TASP1: variants seen among roughly 807,000 people sequenced by gnomAD.
TASP1 encodes the protein threonine aspartase 1.
A neutral mutation model predicts 56.6 loss-of-function variants in TASP1; 16 were observed. The ratio of observed to expected loss-of-function variants is 0.28; its 90% CI spans 0.19 to 0.43. TASP1 has a LOEUF of 0.43. Ranked by LOEUF, TASP1 falls within the 20% of genes least tolerant of loss-of-function variation. The pLI, the probability that TASP1 is intolerant of heterozygous loss-of-function variation, is 1.00. For synonymous variants in TASP1, 179 were observed against 184.2 expected, an observed-to-expected ratio of 0.97 and a Z score of 0.23; for missense variants, 393 against 511.6, an observed-to-expected ratio of 0.77 and a Z score of 2.24.
chr20:13,538,301 G>A (rs2045491751), intron 8 of TASP1, among the ~76,000 whole-genome samples: 1 of 152,130 alleles, frequency 6.6e-6, no homozygotes, highest in Admixed American at 6.5e-5. Context: ...ACCAGGCCCA[G>A]CCCCATCTAC....
At chr20:13,279,829 C>T in the TASP1 span, 1 of 1,613,848 alleles carries the variant, frequency 6.2e-7, no homozygotes, top group Non-Finnish European at 8.5e-7. Context: ...CTTCCTCAAC[C>T]CCCCCAGGGG....
At chr20:13,354,555 A>T in the TASP1 span, among the ~76,000 whole-genome samples, 80 of 152,356 alleles carry the variant, frequency 5.3e-4, 2 homozygotes, top group East Asian at 0.015. Context: ...AGGGGAAGAA[A>T]AAAGACATTT....
At chr20:13,343,958 G>A in the TASP1 span, among the ~76,000 whole-genome samples, 1 of 151,968 alleles carries the variant, frequency 6.6e-6, no homozygotes, top group Non-Finnish European at 1.5e-5. Context: ...CCAGCCCACC[G>A]GGCTTCTGCG....
At chr20:13,472,415 T>C (rs972719979) in intron 11 of TASP1, among the ~76,000 whole-genome samples, 6 of 150,986 alleles carry the variant, frequency 4.0e-5, no homozygotes, top group African/African-American at 7.4e-5. Flanking sequence ...ATTCAGGACA[T>C]AGGCGTGGGC....
At chr20:13,179,655 G>C in the TASP1 span, among the ~76,000 whole-genome samples, 2 of 152,132 alleles carry the variant, frequency 1.3e-5, no homozygotes, top group Non-Finnish European at 2.9e-5. Flanking sequence ...GAGGCCTCTT[G>C]AGAGTCCTCC....
intron 11 of TASP1, among the ~76,000 whole-genome samples, chr20:13,465,101 G>A (rs1001916831): frequency 6.7e-6 from 1 of 148,758 alleles, no homozygotes; most frequent in Admixed American, 6.8e-5. Context: ...AGCCCAGGAG[G>A]TCAAAGCTGT....
chr20:13,481,003 T>G (rs1431999581), intron 11 of TASP1, among the ~76,000 whole-genome samples: 2 of 152,132 alleles, frequency 1.3e-5, no homozygotes, highest in Non-Finnish European at 2.9e-5. Context: ...ATTAAATTAT[T>G]ATTGGCCATA....
the TASP1 span, among the ~76,000 whole-genome samples, chr20:13,383,116 G>A: frequency 6.6e-6 from 1 of 152,160 alleles, no homozygotes. Context: ...TGGGGTCGGA[G>A]AACAAGAAGG....
chr20:13,270,673 T>G, the TASP1 span: 2 of 1,613,798 alleles, frequency 1.2e-6, no homozygotes, highest in Non-Finnish European at 8.5e-7. Context: ...CCCAGATCCT[T>G]TCTCCTTGAT....
intron 8 of TASP1, among the ~76,000 whole-genome samples, chr20:13,548,847 T>C (rs2045890610): frequency 1.3e-5 from 2 of 152,140 alleles, no homozygotes; most frequent in South Asian, 2.1e-4. Flanking sequence ...ACCGGCCCAA[T>C]AGCTTACCCA....
At chr20:13,443,911 G>A (rs142647492) in intron 11 of TASP1, among the ~76,000 whole-genome samples, 1,658 of 152,274 alleles carry the variant, frequency 0.011, 14 homozygotes, top group Non-Finnish European at 0.018. Flanking sequence ...GGCCAGTGGA[G>A]TAGAGTTAGG....
intron 8 of TASP1, among the ~76,000 whole-genome samples, chr20:13,557,572 GTTTTTTTTT>G (rs972801507): frequency 1.2e-4 from 12 of 99,760 alleles, no homozygotes; most frequent in African/African-American, 4.5e-4. Context: ...GATGTTTTTG[GTTTTTTTTT>G]TTTTTTTTTT....
At chr20:13,388,497 G>C (rs2041180652), downstream of TASP1, among the ~76,000 whole-genome samples, 1 of 152,122 alleles carries the variant, frequency 6.6e-6, no homozygotes, top group Non-Finnish European at 1.5e-5. Context: ...CTTAATAAAA[G>C]GGGTCCTTAA....
chr20:13,309,051 T>C, the TASP1 span, among the ~76,000 whole-genome samples: 36 of 152,334 alleles, frequency 2.4e-4, no homozygotes, highest in African/African-American at 7.5e-4. Flanking sequence ...TCTATGGTAG[T>C]TTGTTGTATC....
the TASP1 span, among the ~76,000 whole-genome samples, chr20:13,228,960 TC>T: frequency 1.3e-5 from 2 of 152,180 alleles, no homozygotes; most frequent in African/African-American, 4.8e-5. Context: ...GATGCAAATG[TC>T]AAACTCAACC....
At chr20:13,221,926 G>A in the TASP1 span, 2 of 1,324,848 alleles carry the variant, frequency 1.5e-6, no homozygotes, top group Non-Finnish European at 1.9e-6. Context: ...TGAGTGCGCC[G>A]CCGGAGAGGG....
Position 13,549,477 on chromosome 20 carries a change from T to C in TASP1, c.675+9531A>G, listed in dbSNP as rs945730283. Among the ~76,000 whole-genome samples the C allele has an allele frequency of 2.4e-4, 36 of 152,156 alleles. No individual in the cohort carries two copies. The East Asian group carries it at 3.3e-3, about 14-fold the overall frequency. On this transcript the variant is annotated intron_variant, in intron 8 of 13. Coordinates refer to ENST00000337743, the MANE Select transcript of TASP1 (RefSeq NM_017714.3). ...GTACACACACATTTGGTTTTTTTAA[T>C]GCACTCATTTATTCTGCTGTCTTAT...
the TASP1 span, among the ~76,000 whole-genome samples, chr20:13,262,914 G>A: frequency 6.6e-6 from 1 of 152,184 alleles, no homozygotes; most frequent in African/African-American, 2.4e-5. Flanking sequence ...ACATCGTTAT[G>A]ATACATTCTG....
the TASP1 span, among the ~76,000 whole-genome samples, chr20:13,116,464 T>C: frequency 1.3e-5 from 2 of 152,188 alleles, no homozygotes; most frequent in African/African-American, 4.8e-5. Flanking sequence ...GTCAGATTTT[T>C]TTAATCCATT....
Sources: gnomAD v4.1 joint callset for allele counts (sites outside exome capture counted in the v4.1 genomes callset) on GRCh38, gnomAD v4.1.1 for gene constraint, MANE v1.5 for transcripts, NCBI Gene and HGNC (gene_info 2026-07-23, HGNC 2026-07-21) for gene names.